KCND3: variants seen among roughly 807,000 people sequenced by gnomAD.
KCND3 encodes the protein A-type voltage-gated potassium channel KCND3.
Under a neutral mutation model 51.1 loss-of-function variants are expected in KCND3, and 9 were observed. That is an observed-to-expected ratio of 0.18 (90% confidence interval 0.11 to 0.31). The LOEUF (loss-of-function observed/expected upper bound fraction) is 0.31, where lower values mean the gene tolerates loss of function less well. Among genes scored for constraint, KCND3 ranks in the 10% least tolerant of loss-of-function variants. The pLI is 1.00. For synonymous variants in KCND3, 349 were observed against 368.0 expected, an observed-to-expected ratio of 0.95 and a Z score of 0.59; for missense variants, 526 against 903.8, an observed-to-expected ratio of 0.58 and a Z score of 5.36.
At chr1:111,839,696 A>AT (rs1172925093) in intron 2 of KCND3, among the ~76,000 whole-genome samples, 6 of 152,332 alleles carry the variant, frequency 3.9e-5, no homozygotes, top group African/African-American at 1.4e-4. Context: ...TATCTCATTT[A>AT]TTTTTTACAA....
At chr1:111,850,348 T>C (rs1015852190) in intron 2 of KCND3, among the ~76,000 whole-genome samples, 2 of 151,988 alleles carry the variant, frequency 1.3e-5, no homozygotes, top group Non-Finnish European at 2.9e-5. Context: ...CCCACCCCAG[T>C]GTGCTTGGGG....
chr1:111,947,442 C>G (rs998975907), intron 2 of KCND3, among the ~76,000 whole-genome samples: 1 of 152,242 alleles, frequency 6.6e-6, no homozygotes, highest in East Asian at 1.9e-4. Context: ...TCAAACATCT[C>G]AATTAATTTT....
At chr1:111,891,285 T>A (rs560717799) in intron 2 of KCND3, among the ~76,000 whole-genome samples, 71 of 152,240 alleles carry the variant, frequency 4.7e-4, no homozygotes, top group African/African-American at 1.7e-3. Context: ...ATCAGACCAT[T>A]CTTTTGAGGT....
At chr1:111,840,312 C>T (rs888157285) in intron 2 of KCND3, among the ~76,000 whole-genome samples, 38 of 152,114 alleles carry the variant, frequency 2.5e-4, no homozygotes, top group African/African-American at 8.9e-4. Context: ...GTACTGTGCC[C>T]CCTGGTGCTG....
rs1675521537 is a variant in KCND3 at position 111,989,618 on chromosome 1, C to T, written c.-186G>A. Among the ~76,000 whole-genome samples, 1 of 147,560 alleles carries T rather than the reference C, an allele frequency of 6.8e-6. No individual in the cohort carries two copies. Among genetic ancestry groups the T allele is most frequent in the Admixed American group, 6.7e-5 (1 of 14,854 alleles). ...GCGCCCAGCAGCGCGGGGAAGCGCC[C>T]AGCAGCCGCCGCTCGCGCGGCTCCT... On this transcript the variant is annotated 5_prime_UTR_variant, in exon 1 of 8. Coordinates refer to ENST00000302127, the MANE Select transcript of KCND3 (RefSeq NM_001378969.1).
Position 111,807,287 on chromosome 1 carries a change from T to G in KCND3, c.1107-20181A>C, listed in dbSNP as rs182862591. 2.0e-4 allele frequency among the ~76,000 whole-genome samples: 31 copies of G among 152,372 alleles called. No homozygotes were observed. The East Asian group carries it at 6.0e-3, about 29-fold the overall frequency. On this transcript the variant is annotated intron_variant, in intron 2 of 7. Coordinates refer to ENST00000302127, the MANE Select transcript of KCND3 (RefSeq NM_001378969.1). ...ATATGATGGCAGTCCTATAAAATTG[T>G]GGTATCGTATTTTTACTGTACCTTT...
At chr1:111,810,771 T>C (rs1665811195) in intron 2 of KCND3, among the ~76,000 whole-genome samples, 2 of 152,186 alleles carry the variant, frequency 1.3e-5, no homozygotes, top group Admixed American at 1.3e-4. Flanking sequence ...CTAAGTAGCA[T>C]AAAATAAGTG....
chr1:111,949,418 G>A (rs1443348488), intron 2 of KCND3, among the ~76,000 whole-genome samples: 1 of 152,208 alleles, frequency 6.6e-6, no homozygotes, highest in Non-Finnish European at 1.5e-5. Context: ...CCACTCAGAA[G>A]ACAGCCAGAG....
chr1:111,944,965 C>G (rs912129090), intron 2 of KCND3, among the ~76,000 whole-genome samples: 22 of 152,196 alleles, frequency 1.4e-4, no homozygotes, highest in African/African-American at 5.1e-4. Flanking sequence ...CAACCATGAG[C>G]CCCATGATGA....
chr1:111,909,781 C>T (rs547185085), intron 2 of KCND3: 3 of 152,246 alleles, frequency 2.0e-5, no homozygotes, highest in African/African-American at 4.8e-5. Flanking sequence ...CTCCGATTAA[C>T]ATCTCTCAGC....
intron 2 of KCND3, among the ~76,000 whole-genome samples, chr1:111,790,899 T>C (rs527464369): frequency 5.3e-5 from 8 of 152,360 alleles, no homozygotes; most frequent in Admixed American, 2.0e-4. Flanking sequence ...AATGTATCAG[T>C]ACTCCATTCC....
intron 2 of KCND3, among the ~76,000 whole-genome samples, chr1:111,851,864 G>T (rs1335708069): frequency 6.6e-6 from 1 of 152,242 alleles, no homozygotes; most frequent in African/African-American, 2.4e-5. Context: ...AGACTCCTCA[G>T]AGCCACTGCC....
chr1:111,822,732 CCA>C (rs1472845021), intron 2 of KCND3, among the ~76,000 whole-genome samples: 2 of 152,112 alleles, frequency 1.3e-5, no homozygotes, highest in Non-Finnish European at 2.9e-5. Context: ...GGTGTGTATA[CCA>C]CCAGAAGTGG....
chr1:111,894,158 G>A (rs760968544), intron 2 of KCND3, among the ~76,000 whole-genome samples: 1 of 152,176 alleles, frequency 6.6e-6, no homozygotes, highest in Non-Finnish European at 1.5e-5. Flanking sequence ...GTGTGGTTGA[G>A]GGCTCTTCTC....
chr1:111,823,054 G>T (rs1238284255), intron 2 of KCND3, among the ~76,000 whole-genome samples: 2 of 152,200 alleles, frequency 1.3e-5, no homozygotes, highest in Non-Finnish European at 2.9e-5. Context: ...GACCCACGGG[G>T]TGGCTATGGG....
chr1:111,805,447 C>T (rs1350027590), intron 2 of KCND3, among the ~76,000 whole-genome samples: 1 of 152,234 alleles, frequency 6.6e-6, no homozygotes, highest in Non-Finnish European at 1.5e-5. Context: ...CCCTCTCTGT[C>T]TCCCAGTTGG....
chr1:111,933,351 T>C (rs1672067873), intron 2 of KCND3, among the ~76,000 whole-genome samples: 1 of 152,216 alleles, frequency 6.6e-6, no homozygotes, highest in African/African-American at 2.4e-5. Flanking sequence ...GCGAGGCATA[T>C]GAAGCACAGA....
rs978331374 is a variant in KCND3 at position 111,876,267 on chromosome 1, G to A, written c.1107-89161C>T. Among the ~76,000 whole-genome samples the A allele has an allele frequency of 6.6e-5, 10 of 152,144 alleles. 1 individual carries two copies. Among genetic ancestry groups the A allele is most frequent in the African/African-American group, 2.4e-4 (10 of 41,422 alleles). ...CACATCTGCAAAATGATCCTTTTCGGTTTAGAATTCTACATTCTATAATTC... is the reference window on the plus strand; with the variant it reads ...CACATCTGCAAAATGATCCTTTTCGATTTAGAATTCTACATTCTATAATTC... On this transcript the variant is annotated intron_variant, in intron 2 of 7. Coordinates refer to ENST00000302127, the MANE Select transcript of KCND3 (RefSeq NM_001378969.1).
At position 111,775,405 on chromosome 1, in the gene KCND3, T is replaced by C. The variant is rs893162166; in HGVS notation, c.*672A>G. The C allele has an allele frequency of 2.5e-5, 4 of 159,510 alleles. No homozygotes were observed. The highest frequency in any genetic ancestry group is 1.8e-4 in the East Asian group (1 of 5,622). 9.9% of individuals were successfully genotyped at this position (159,510 alleles called of 1,614,324 possible). Reference sequence around the variant, plus strand: ...CTGGGCAGTGGGGGCCCAGGCTCAGTTGACCTCACCCACCTGGGGGAATGG... The same window carrying C: ...CTGGGCAGTGGGGGCCCAGGCTCAGCTGACCTCACCCACCTGGGGGAATGG... On this transcript the variant is annotated 3_prime_UTR_variant, in exon 8 of 8. Transcript: ENST00000302127.
Sources: gnomAD v4.1 joint callset for allele counts (sites outside exome capture counted in the v4.1 genomes callset) on GRCh38, gnomAD v4.1.1 for gene constraint, MANE v1.5 for transcripts, NCBI Gene and HGNC (gene_info 2026-07-23, HGNC 2026-07-21) for gene names.